PCDHGA5: variants seen among roughly 807,000 people sequenced by gnomAD.
The protein encoded by PCDHGA5 is protocadherin gamma subfamily A, 5, also known as protocadherin gamma-A5.
Under a neutral mutation model 56.7 loss-of-function variants are expected in PCDHGA5, and 36 were observed. The observed-to-expected ratio is 0.64, with a 90% CI of 0.49 to 0.84. PCDHGA5 has a LOEUF of 0.84. Among genes scored for constraint, PCDHGA5 ranks in the 40% least tolerant of loss-of-function variants. PCDHGA5 has a pLI of 0.00. For missense variants in PCDHGA5, 1,305 were observed against 1,201.5 expected (o/e 1.09, Z -1.27); for synonymous variants, 563 against 520.2 (o/e 1.08, Z -1.12).
intron 1 of PCDHGA5, among the ~76,000 whole-genome samples, chr5:141,400,820 G>A (rs1419111099): frequency 6.6e-6 from 1 of 152,082 alleles, no homozygotes; most frequent in African/African-American, 2.4e-5. Context: ...TTACCTATTC[G>A]TTGTCTCATT....
At chr5:141,374,497 G>T in intron 1 of PCDHGA5, 5 of 1,611,562 alleles carry the variant, frequency 3.1e-6, no homozygotes, top group Non-Finnish European at 4.2e-6. Flanking sequence ...AGGAAGAATT[G>T]GAAGTGAAAA....
In PCDHGA5 at chr5:141,476,467, G is replaced by A. The variant is rs375302797; in HGVS notation, c.2422-18340G>A. On this transcript the variant is annotated intron_variant, in intron 1 of 3. Transcript: ENST00000518069. This position sits in a 1 kb window ranked among gnomAD's most constrained non-coding sequence, Gnocchi z 7.6. Reference sequence around the variant, plus strand: ...AGTTGGTAGTGGAGAACCCGCTGGAGCTGTTCAGCGTGGAAGTGGTGATCC... The same window carrying A: ...AGTTGGTAGTGGAGAACCCGCTGGAACTGTTCAGCGTGGAAGTGGTGATCC... The A allele has an allele frequency of 2.3e-5, 37 of 1,614,142 alleles. No individual in the cohort carries two copies. The African/African-American group carries it at 4.5e-4, about 20-fold the overall frequency.
At chr5:141,478,487 A>G (rs1593917832) in intron 1 of PCDHGA5, 1 of 1,613,454 alleles carries the variant, frequency 6.2e-7, no homozygotes, top group South Asian at 1.1e-5. Flanking sequence ...CACGCTGCGG[A>G]GCTGTGATCC....
chr5:141,508,961 A>G (rs991011427), intron 3 of PCDHGA5, among the ~76,000 whole-genome samples: 2 of 151,978 alleles, frequency 1.3e-5, no homozygotes, highest in Non-Finnish European at 2.9e-5. Flanking sequence ...TGTCAGCGGA[A>G]TGAAAGGGCT....
At chr5:141,421,169 T>G in intron 1 of PCDHGA5, 2 of 1,340,600 alleles carry the variant, frequency 1.5e-6, no homozygotes, top group South Asian at 1.5e-5. Flanking sequence ...CATAGATACA[T>G]AAGCCGATTC....
intron 1 of PCDHGA5, chr5:141,422,893 C>A (rs1405800318): frequency 4.3e-6 from 7 of 1,614,246 alleles, no homozygotes; most frequent in Non-Finnish European, 5.9e-6. Context: ...CGTGCTGGAC[C>A]AGAACGACAA....
Position 141,490,503 on chromosome 5 carries a change from C to A in PCDHGA5, c.2422-4304C>A, listed in dbSNP as rs2099701103. On this transcript the variant is annotated intron_variant, in intron 1 of 3. Coordinates refer to ENST00000518069, the MANE Select transcript of PCDHGA5 (RefSeq NM_018918.3). The surrounding 1 kb of genome is among the most constrained non-coding windows in gnomAD (Gnocchi z 5.4). ...ACCGGGAGGCCACATCCCACTATAT[C>A]ATCGAGCTGCTGGCCAGCGATGCTG... 3.7e-6 allele frequency: 6 copies of A among 1,614,206 alleles called. No individual in the cohort carries two copies. In the African/African-American group the frequency reaches 8.0e-5, roughly 22 times the overall value.
chr5:141,370,033 T>C (rs887540311), intron 1 of PCDHGA5, among the ~76,000 whole-genome samples: 10 of 152,232 alleles, frequency 6.6e-5, no homozygotes, highest in African/African-American at 2.4e-4. Context: ...ATATAGTAAG[T>C]ATATTTAATG....
In PCDHGA5 at chr5:141,432,847, G is replaced by A. The variant is rs768265171; in HGVS notation, c.2422-61960G>A. On this transcript the variant is annotated intron_variant, in intron 1 of 3. Transcript: ENST00000518069. The surrounding 1 kb of genome is among the most constrained non-coding windows in gnomAD (Gnocchi z 6.0). Reference sequence around the variant, plus strand: ...ACCTCACTCTGTACCTGGTGGTAGCGGTGGCCGCGGTCTCCTGCGTCTTCC... The same window carrying A: ...ACCTCACTCTGTACCTGGTGGTAGCAGTGGCCGCGGTCTCCTGCGTCTTCC... 5.0e-6 allele frequency: 8 copies of A among 1,614,180 alleles called. No homozygotes were observed. The highest frequency in any genetic ancestry group is 6.8e-6 in the Non-Finnish European group (8 of 1,179,994).
chr5:141,512,712 A>G lies in PCDHGA5; in HGVS notation c.*1539A>G, dbSNP rs1362654237. 1 of 152,806 alleles carries G rather than the reference A, an allele frequency of 6.5e-6. No homozygotes were observed. The highest frequency in any genetic ancestry group is 2.4e-5 in the African/African-American group (1 of 41,414). 9.5% of individuals were successfully genotyped at this position (152,806 alleles called of 1,614,324 possible). On this transcript the variant is annotated 3_prime_UTR_variant, in exon 4 of 4. Coordinates refer to ENST00000518069, the MANE Select transcript of PCDHGA5 (RefSeq NM_018918.3). Reference sequence around the variant, plus strand: ...GTGTAGTGCGGTGTGCTTTTACGTGATGGCGGGTGGGCAGCGGGCGGCGGG... The same window carrying G: ...GTGTAGTGCGGTGTGCTTTTACGTGGTGGCGGGTGGGCAGCGGGCGGCGGG...
intron 1 of PCDHGA5, chr5:141,392,736 C>T: frequency 2.8e-6 from 4 of 1,429,672 alleles, no homozygotes; most frequent in Non-Finnish European, 3.7e-6. Context: ...TTGTCATCTC[C>T]ATAGCTGCGG....
intron 1 of PCDHGA5, chr5:141,415,086 G>C: frequency 5.6e-6 from 9 of 1,613,554 alleles, no homozygotes; most frequent in Non-Finnish European, 6.8e-6. Context: ...GAGCCCTGCT[G>C]GACAGAGACG....
At chr5:141,410,335 T>C (rs2095381391) in intron 1 of PCDHGA5, 1 of 1,613,894 alleles carries the variant, frequency 6.2e-7, no homozygotes, top group African/African-American at 1.3e-5. Context: ...TTCTGGCCAT[T>C]GCCTTGCGCC....
At chr5:141,468,346 A>AG (rs2099164784) in intron 1 of PCDHGA5, 33 of 147,324 alleles carry the variant, frequency 2.2e-4, no homozygotes, top group Middle Eastern at 6.9e-3. Flanking sequence ...AAAAAAAAAA[A>AG]AAAGAAAGAA....
Position 141,491,009 on chromosome 5 carries a change from C to A in PCDHGA5, c.2422-3798C>A. On this transcript the variant is annotated intron_variant, in intron 1 of 3. Transcript: ENST00000518069. This position sits in a 1 kb window ranked among gnomAD's most constrained non-coding sequence, Gnocchi z 6.9. ...TCTGCTCCTCCTGGCTCCTTGGTCA[C>A]CAAGGTGACAGCCGTGGATGCTGAT... 4 of 1,614,140 alleles carry A rather than the reference C, an allele frequency of 2.5e-6. No homozygotes were observed. Among genetic ancestry groups the A allele is most frequent in the Non-Finnish European group, 3.4e-6 (4 of 1,180,038 alleles).
chr5:141,405,201 T>C, intron 1 of PCDHGA5: 1 of 1,614,050 alleles, frequency 6.2e-7, no homozygotes, highest in Non-Finnish European at 8.5e-7. Context: ...CGAGCTTTCC[T>C]ACAGACCTAT....
At chr5:141,427,188 A>G (rs1346514063) in intron 1 of PCDHGA5, 1 of 456,744 alleles carries the variant, frequency 2.2e-6, no homozygotes, top group Admixed American at 2.3e-5. Flanking sequence ...AATTAAATCC[A>G]AAGACTTAAT....
At position 141,476,151 on chromosome 5, in the gene PCDHGA5, G is replaced by A; in HGVS notation, c.2422-18656G>A. Reference sequence around the variant, plus strand: ...GAGGCCTGGAGGAGCGGACTGGTAAGCACCGGGAGGGTAGTGGGAGTTTTG... The same window carrying A: ...GAGGCCTGGAGGAGCGGACTGGTAAACACCGGGAGGGTAGTGGGAGTTTTG... On this transcript the variant is annotated intron_variant, in intron 1 of 3. Transcript: ENST00000518069. This position sits in a 1 kb window ranked among gnomAD's most constrained non-coding sequence, Gnocchi z 7.6. 1 of 1,612,022 alleles carries A rather than the reference G, an allele frequency of 6.2e-7. No individual in the cohort carries two copies. Among genetic ancestry groups the A allele is most frequent in the Admixed American group, 1.7e-5 (1 of 60,014 alleles).
intron 1 of PCDHGA5, among the ~76,000 whole-genome samples, chr5:141,483,618 C>T (rs1441906179): frequency 6.6e-6 from 1 of 151,536 alleles, no homozygotes; most frequent in Non-Finnish European, 1.5e-5. Flanking sequence ...TCCATCATTC[C>T]CATGGGAGAA....
Sources: gnomAD v4.1 joint callset for allele counts (sites outside exome capture counted in the v4.1 genomes callset) on GRCh38, gnomAD v4.1.1 for gene constraint, Gnocchi (gnomAD v3.1) non-coding constraint, MANE v1.5 for transcripts, NCBI Gene and HGNC (gene_info 2026-07-23, HGNC 2026-07-21) for gene names.